FCN1: variants seen among roughly 807,000 people sequenced by gnomAD.
FCN1 encodes ficolin 1.
FCN1 carries 42 observed loss-of-function variants against 35.6 expected under a neutral mutation model. The ratio of observed to expected loss-of-function variants is 1.18; its 90% CI spans 0.92 to 1.53. The LOEUF (loss-of-function observed/expected upper bound fraction) is 1.53, where lower values mean the gene tolerates loss of function less well. FCN1 is among the 40% of genes most tolerant of loss of function. FCN1 has a pLI of 0.00. For missense variants in FCN1, 439 were observed against 428.4 expected (o/e 1.02, Z -0.22); for synonymous variants, 179 against 169.8 (o/e 1.05, Z -0.42).
chr9:134,912,056 G>A (rs773766682), intron 7 of FCN1, among the ~76,000 whole-genome samples: 1 of 152,220 alleles, frequency 6.6e-6, no homozygotes, highest in Admixed American at 6.5e-5. Flanking sequence ...CCAGAGGGTT[G>A]GGGGGAGGCC....
intron 6 of FCN1, 40 bp downstream of exon 6, chr9:134,912,976 G>A: frequency 1.3e-6 from 2 of 1,594,322 alleles, no homozygotes; most frequent in Non-Finnish European, 1.7e-6. Context: ...TGGCCTCCGG[G>A]ACTCCCAGGC....
chr9:134,909,105 T>C lies in FCN1; in HGVS notation c.*693A>G. ...ACTGAGGTCCGCGGTCCCCTCTAGC[T>C]GAGGTCTGTGTGTGGGAGGAAGGCC... On this transcript the variant is annotated 3_prime_UTR_variant, in exon 9 of 9. Transcript: ENST00000371806. 1.1e-6 allele frequency: 1 copy of C among 871,512 alleles called. No individual in the cohort carries two copies. The highest frequency in any genetic ancestry group is 1.6e-5 in the South Asian group (1 of 61,074). 54.0% of individuals were successfully genotyped at this position (871,512 alleles called of 1,614,324 possible).
chr9:134,913,125 T>A lies in FCN1; in HGVS notation c.359A>T (p.Asp120Val). 1 of 1,613,852 alleles carries A rather than the reference T, an allele frequency of 6.2e-7. No homozygotes were observed. The highest frequency in any genetic ancestry group is 8.5e-7 in the Non-Finnish European group (1 of 1,179,908). Reference sequence around the variant, plus strand: ...CAGGAAATACCCCCGGTCTAGCAGGTCCTTGCAGTTGCGTGGGCCTGGGAA... The same window carrying A: ...CAGGAAATACCCCCGGTCTAGCAGGACCTTGCAGTTGCGTGGGCCTGGGAA... ...SCATGPRNCKDLLDRGYFLSG... is the reference protein window; with the variant it reads ...SCATGPRNCKVLLDRGYFLSG... Residue 120 changes from aspartate to valine, a missense_variant, in exon 6 of 9, where the codon GAC becomes GTC. Physicochemically the swap from Asp to Val is radical, Grantham distance 152 (BLOSUM62 -3). Transcript: ENST00000371806.
intron 5 of FCN1, 41 bp downstream of exon 5, chr9:134,913,540 G>T: frequency 6.4e-7 from 1 of 1,570,628 alleles, no homozygotes; most frequent in Non-Finnish European, 8.7e-7. Flanking sequence ...CCAGGGGTGG[G>T]GGCAAGGCTT....
At chr9:134,911,993 A>G (rs181710874) in intron 7 of FCN1, among the ~76,000 whole-genome samples, 17 of 152,300 alleles carry the variant, frequency 1.1e-4, no homozygotes, top group Admixed American at 9.8e-4. Flanking sequence ...GGGATAATGG[A>G]CCAGCAATTA....
intron 5 of FCN1, 58 bp downstream of exon 5, chr9:134,913,523 G>GCTGGCCCCAC: frequency 7.1e-7 from 1 of 1,414,446 alleles, no homozygotes; most frequent in Non-Finnish European, 9.8e-7. Context: ...AACGTGTGCA[G>GCTGGCCCCAC]CTGGCCCCAG....
rs1016828048 is a variant in FCN1 at position 134,907,503 on chromosome 9, T to A, written c.*2295A>T. The A allele has an allele frequency of 3.9e-5, 6 of 152,222 alleles. No individual in the cohort carries two copies. The highest frequency in any genetic ancestry group is 8.8e-5 in the Non-Finnish European group (6 of 68,038). The allele number at this position is 152,222 out of a possible 1,614,324, so 9.4% of individuals were successfully genotyped here. On this transcript the variant is annotated 3_prime_UTR_variant, in exon 9 of 9. Coordinates refer to ENST00000371806, the MANE Select transcript of FCN1 (RefSeq NM_002003.5). ...CACTAGTTAACAAACATCCTTACAATCACCACCTGGGTCAAGAAACAGAGC... is the reference window on the plus strand; with the variant it reads ...CACTAGTTAACAAACATCCTTACAAACACCACCTGGGTCAAGAAACAGAGC...
chr9:134,912,716 A>G, intron 6 of FCN1, 101 bp from the exon 7 acceptor site: 1 of 1,509,336 alleles, frequency 6.6e-7, no homozygotes, highest in Non-Finnish European at 9.1e-7. Context: ...TTGGCAGAGC[A>G]TCACAGGCCG....
chr9:134,916,381 G>C lies in FCN1; in HGVS notation c.184C>G (p.Pro62Ala). 1.9e-6 allele frequency: 3 copies of C among 1,614,162 alleles called. No individual in the cohort carries two copies. Among genetic ancestry groups the C allele is most frequent in the Non-Finnish European group, 2.5e-6 (3 of 1,180,026 alleles). ...CCAATGACACCTGCCTCTCCCTTTGGCCCTGGGGCCCCGGGCAGCCCCGGG... is the reference window on the plus strand; with the variant it reads ...CCAATGACACCTGCCTCTCCCTTTGCCCCTGGGGCCCCGGGCAGCCCCGGG... ...GCPGLPGAPG[P>A]KGEAGVIGER... The change falls in exon 2 of 9, where the codon CCA becomes GCA. Residue 62 changes from proline to alanine, a missense_variant. By Grantham distance (27) the Pro-to-Ala change is conservative. Coordinates refer to ENST00000371806, the MANE Select transcript of FCN1 (RefSeq NM_002003.5).
rs760462190 is a variant in FCN1 at position 134,909,418 on chromosome 9, C to T, written c.*380G>A. 24 of 1,290,694 alleles carry T rather than the reference C, an allele frequency of 1.9e-5. 1 individual carries two copies. Among genetic ancestry groups the T allele is most frequent in the Middle Eastern group, 2.1e-4 (1 of 4,706 alleles). 80.0% of individuals were successfully genotyped at this position (1,290,694 alleles called of 1,614,324 possible). A position where few individuals can be genotyped will look rare whatever the true frequency, so the allele number is the denominator to read the frequency against. ...TCAATTACTGGAGGTGGAAAATCCT[C>T]GCAAAAGTCACTCAACCTCCCTGAA... is the stretch of plus-strand genomic sequence containing the variant. On this transcript the variant is annotated 3_prime_UTR_variant, in exon 9 of 9. Coordinates refer to ENST00000371806, the MANE Select transcript of FCN1 (RefSeq NM_002003.5).
intron 7 of FCN1, among the ~76,000 whole-genome samples, 164 bp downstream of exon 7, chr9:134,912,322 C>A (rs1831033064): frequency 6.6e-6 from 1 of 152,206 alleles, no homozygotes; most frequent in African/African-American, 2.4e-5. Context: ...GTTGCCAGAG[C>A]CTGCGGCAGG....
In FCN1 at chr9:134,907,431, T is replaced by G. The variant is rs185230224; in HGVS notation, c.*2367A>C. On this transcript the variant is annotated 3_prime_UTR_variant, in exon 9 of 9. Transcript: ENST00000371806. ...AGTTTTTAAATTGTGGAACATAACA[T>G]GTACTCAAAAGTGTATAAAGCAAAA... 7.2e-5 allele frequency: 11 copies of G among 152,366 alleles called. No individual in the cohort carries two copies. The highest frequency in any genetic ancestry group is 2.4e-4 in the African/African-American group (10 of 41,584). The allele number at this position is 152,366 out of a possible 1,614,324, so 9.4% of individuals were successfully genotyped here. A position where few individuals can be genotyped will look rare whatever the true frequency, so the allele number is the denominator to read the frequency against.
rs550350295 is a variant in FCN1 at position 134,908,395 on chromosome 9, G to C, written c.*1403C>G. ...AATTCCCTGCCCCCACCACTGCCCC[G>C]CCAAAAATGTCCTGCCCTAATACAC... On this transcript the variant is annotated 3_prime_UTR_variant, in exon 9 of 9. Coordinates refer to ENST00000371806, the MANE Select transcript of FCN1 (RefSeq NM_002003.5). The C allele has an allele frequency of 6.6e-6, 1 of 152,084 alleles. No homozygotes were observed. Among genetic ancestry groups the C allele is most frequent in the African/African-American group, 2.4e-5 (1 of 41,378 alleles). 9.4% of individuals were successfully genotyped at this position (152,084 alleles called of 1,614,324 possible).
intron 2 of FCN1, 96 bp downstream of exon 2, chr9:134,916,252 A>G (rs1831089808): frequency 4.2e-6 from 4 of 953,202 alleles, no homozygotes; most frequent in Non-Finnish European, 6.8e-6. Context: ...TCTAGGAACC[A>G]CGGTGGGGGT....
chr9:134,913,288 C>G, intron 5 of FCN1, 145 bp from the exon 6 acceptor site: 1 of 1,136,516 alleles, frequency 8.8e-7, no homozygotes, highest in Non-Finnish European at 1.3e-6. Context: ...AGGGACACGG[C>G]CCCCAGGGCC....
chr9:134,914,763 C>T lies in FCN1; in HGVS notation c.264G>A (p.Gly88=), dbSNP rs747926715. The change falls in exon 3 of 9, where the codon GGG becomes GGA. Residue 88 remains glycine (G), a synonymous_variant. Transcript: ENST00000371806. Reference sequence around the variant, plus strand: ...TGTCTGTCCCCTGGTTACCTTTGGGCCCCACTGGTCCTGCCTTTCCAGGGG... The same window carrying T: ...TGTCTGTCCCCTGGTTACCTTTGGGTCCCACTGGTCCTGCCTTTCCAGGGG... ...PGAPGKAGPV[G]PKGDRGEKGM... 1.2e-6 allele frequency: 2 copies of T among 1,611,694 alleles called. No homozygotes were observed. Among genetic ancestry groups the T allele is most frequent in the Non-Finnish European group, 1.7e-6 (2 of 1,178,510 alleles).
chr9:134,909,781 G>A lies in FCN1; in HGVS notation c.*17C>T. On this transcript the variant is annotated 3_prime_UTR_variant, in exon 9 of 9. Transcript: ENST00000371806. ...GCCTCCCCACTAGCAGGTGCATGTG[G>A]AGGGGTCCTGGCCCGTCTAGGCGGG... is the stretch of plus-strand genomic sequence containing the variant. 1.2e-6 allele frequency: 2 copies of A among 1,612,040 alleles called. No individual in the cohort carries two copies. Among genetic ancestry groups the A allele is most frequent in the South Asian group, 2.2e-5 (2 of 90,968 alleles).
Position 134,909,858 on chromosome 9 carries a change from A to G in FCN1, c.921T>C (p.Ser307=). ...HESYANGINW[S]AAKGYKYSYK... ...AGCTATATTTGTACCCCTTCGCCGC[A>G]CTCCAGTTGATACCATTGGCATAGC... The change falls in exon 9 of 9, where the codon AGT becomes AGC. Residue 307 remains serine (S), a synonymous_variant. Coordinates refer to ENST00000371806, the MANE Select transcript of FCN1 (RefSeq NM_002003.5). 3.7e-6 allele frequency: 6 copies of G among 1,613,594 alleles called. No homozygotes were observed. Among genetic ancestry groups the G allele is most frequent in the Non-Finnish European group, 5.1e-6 (6 of 1,179,926 alleles).
rs375473078 is a variant in FCN1 at position 134,914,851 on chromosome 9, A to G, written c.218-42T>C. 1.4e-5 allele frequency: 21 copies of G among 1,508,040 alleles called. No individual in the cohort carries two copies. The African/African-American group carries it at 2.9e-4, about 21-fold the overall frequency. The allele number at this position is 1,508,040 out of a possible 1,614,324, so 93.4% of individuals were successfully genotyped here. Reference sequence around the variant, plus strand: ...CATATCACTGAGAAAAATGCAACCTAAACAATTCTCCCTGGAAATCTTTGC... The same window carrying G: ...CATATCACTGAGAAAAATGCAACCTGAACAATTCTCCCTGGAAATCTTTGC... On this transcript the variant is annotated intron_variant, in intron 2 of 8. Coordinates refer to ENST00000371806, the MANE Select transcript of FCN1 (RefSeq NM_002003.5).
Sources: allele counts gnomAD v4.1 joint callset (sites outside exome capture counted in the v4.1 genomes callset), GRCh38; gene constraint gnomAD v4.1.1; transcripts MANE v1.5; gene names NCBI Gene and HGNC (gene_info 2026-07-23, HGNC 2026-07-21).